TSPEAR: variants seen among roughly 807,000 people sequenced by gnomAD.
TSPEAR encodes thrombospondin type laminin G domain and EAR repeats, also known as thrombospondin-type laminin G domain and EAR repeat-containing protein.
A neutral mutation model predicts 71.6 loss-of-function variants in TSPEAR; 69 were observed. The ratio of observed to expected loss-of-function variants is 0.96; its 90% CI spans 0.79 to 1.18. The LOEUF (loss-of-function observed/expected upper bound fraction) is 1.18, where lower values mean the gene tolerates loss of function less well. TSPEAR is among the 50% of genes most tolerant of loss of function. The pLI, the probability that TSPEAR is intolerant of heterozygous loss-of-function variation, is 0.00. For synonymous variants in TSPEAR, 402 were observed against 387.2 expected (o/e 1.04, Z -0.45); for missense variants, 971 against 894.9 (o/e 1.09, Z -1.09).
In TSPEAR at chr21:44,504,891, C is replaced by T. The variant is rs2052159028; in HGVS notation, c.1755-10G>A. ...CTCCCAGTCCAGAGCACTGCAGGAA[C>T]AAGTGGGTGGATATTAGGACACAAC... On this transcript the variant is annotated splice_polypyrimidine_tract_variant and intron_variant, in intron 10 of 11. Transcript: ENST00000323084. 6.2e-7 allele frequency: 1 copy of T among 1,603,646 alleles called. No homozygotes were observed. Among genetic ancestry groups the T allele is most frequent in the South Asian group, 1.1e-5 (1 of 90,876 alleles).
intron 1 of TSPEAR, among the ~76,000 whole-genome samples, chr21:44,583,088 C>T (rs1211061): frequency 0.85 from 129,937 of 152,090 alleles, 57,496 homozygotes; most frequent in Non-Finnish European, 0.97. Context: ...GTGATCCATC[C>T]GTTTCAGTCT....
Position 44,529,907 on chromosome 21 carries a change from T to C in TSPEAR, c.681A>G (p.Pro227=). The C allele has an allele frequency of 1.2e-6, 2 of 1,611,976 alleles. No homozygotes were observed. The highest frequency in any genetic ancestry group is 1.7e-6 in the Non-Finnish European group (2 of 1,179,608). Residue 227 remains proline, a synonymous_variant, in exon 5 of 12, where the codon CCA becomes CCG. Coordinates refer to ENST00000323084, the MANE Select transcript of TSPEAR (RefSeq NM_144991.3). ...LVLLPGSDAT[P]RLCPSRNAPL... The stretch of plus-strand genomic sequence containing the variant: ...GGGCGTTCCTGCTGGGACACAGCCT[T>C]GGGGTGGCGTCTGAGCCCGGCAGCA...
intron 1 of TSPEAR, among the ~76,000 whole-genome samples, chr21:44,569,224 A>T (rs935199035): frequency 6.6e-6 from 1 of 152,206 alleles, no homozygotes; most frequent in African/African-American, 2.4e-5. Flanking sequence ...TACCCTGGAA[A>T]AGCATCCTGG....
intron 2 of TSPEAR, chr21:44,558,447 C>T (rs1046746993): frequency 9.9e-6 from 16 of 1,614,056 alleles, no homozygotes; most frequent in Non-Finnish European, 1.4e-5. Context: ...GGAGGATGTG[C>T]AGCAAGCTGG....
intron 1 of TSPEAR, among the ~76,000 whole-genome samples, chr21:44,613,768 TG>T (rs1336171856): frequency 6.6e-5 from 10 of 151,664 alleles, no homozygotes; most frequent in African/African-American, 2.4e-4. Flanking sequence ...AGGGATGGGA[TG>T]GGGGGATGCT....
intron 2 of TSPEAR, among the ~76,000 whole-genome samples, chr21:44,564,730 A>G (rs1555921532): frequency 6.6e-6 from 1 of 152,212 alleles, no homozygotes; most frequent in African/African-American, 2.4e-5. Context: ...TAGAATAACT[A>G]GGTAGAAGAT....
At chr21:44,586,462 A>G (rs587736583) in intron 1 of TSPEAR, among the ~76,000 whole-genome samples, 17 of 152,324 alleles carry the variant, frequency 1.1e-4, no homozygotes, top group African/African-American at 3.8e-4. Flanking sequence ...CTTTTAAAAA[A>G]AATTTACCAA....
intron 1 of TSPEAR, among the ~76,000 whole-genome samples, chr21:44,640,186 C>T (rs1983945473): frequency 6.6e-6 from 1 of 152,190 alleles, no homozygotes; most frequent in South Asian, 2.1e-4. Context: ...TCCACACAAG[C>T]AAAACACAGC....
intron 1 of TSPEAR, among the ~76,000 whole-genome samples, chr21:44,683,581 G>T (rs1311498925): frequency 6.6e-6 from 1 of 152,078 alleles, no homozygotes; most frequent in Non-Finnish European, 1.5e-5. Flanking sequence ...AGGCAGGAGG[G>T]TCTATTGAGC....
intron 1 of TSPEAR, among the ~76,000 whole-genome samples, chr21:44,683,420 C>G (rs1296473792): frequency 1.3e-5 from 2 of 152,198 alleles, no homozygotes; most frequent in Non-Finnish European, 2.9e-5. Flanking sequence ...AATCCCAGCA[C>G]TTTGGGAGAC....
intron 1 of TSPEAR, among the ~76,000 whole-genome samples, chr21:44,643,077 C>A (rs143377166): frequency 2.6e-5 from 4 of 152,200 alleles, no homozygotes; most frequent in Admixed American, 2.0e-4. Flanking sequence ...TACGATTCAG[C>A]CATAGAAAGG....
In TSPEAR at chr21:44,658,067, T is replaced by A. The variant is rs374451333; in HGVS notation, c.82+53366A>T. ...GGCATCCTGCTATGTGCCCGTGAGC[T>A]GCCAGTCCTCCGTGTGCATGCCCGT... On this transcript the variant is annotated intron_variant, in intron 1 of 11. Coordinates refer to ENST00000323084, the MANE Select transcript of TSPEAR (RefSeq NM_144991.3). 1.9e-6 allele frequency: 3 copies of A among 1,613,880 alleles called. No individual in the cohort carries two copies. In the African/African-American group the frequency reaches 4.0e-5, roughly 22 times the overall value.
intron 1 of TSPEAR, among the ~76,000 whole-genome samples, chr21:44,649,976 C>T (rs897173234): frequency 6.6e-6 from 1 of 152,164 alleles, no homozygotes; most frequent in South Asian, 2.1e-4. Flanking sequence ...AATCTCAGCA[C>T]CGTGGGAGGC....
At chr21:44,580,271 C>T (rs782188685) in intron 1 of TSPEAR, 4 of 1,613,620 alleles carry the variant, frequency 2.5e-6, no homozygotes, top group East Asian at 4.5e-5. Flanking sequence ...ATCCTTAGAG[C>T]AGGTGGGCAG....
intron 1 of TSPEAR, among the ~76,000 whole-genome samples, chr21:44,645,363 T>G (rs1984259451): frequency 1.3e-5 from 2 of 151,388 alleles, no homozygotes; most frequent in South Asian, 4.2e-4. Flanking sequence ...CTTAGCTTTT[T>G]TTTTTTTTTT....
rs150319900 is a variant in TSPEAR at position 44,538,669 on chromosome 21, A to G, written c.304-4746T>C. 2.3e-3 allele frequency among the ~76,000 whole-genome samples: 348 copies of G among 152,236 alleles called. 4 individuals are homozygous for G. The highest frequency in any genetic ancestry group is 8.2e-3 in the African/African-American group (342 of 41,538). ...CCGGACCCCAGGGCAGCTTCCCGGA[A>G]GGTGACCCTGCAGTGTGGGCTCTCC... On this transcript the variant is annotated intron_variant, in intron 2 of 11. Transcript: ENST00000323084.
intron 2 of TSPEAR, among the ~76,000 whole-genome samples, chr21:44,549,426 A>G (rs1376810541): frequency 6.6e-6 from 1 of 152,210 alleles, no homozygotes; most frequent in East Asian, 1.9e-4. Flanking sequence ...GGCGTTGCAG[A>G]CACCAAGTGC....
Position 44,638,762 on chromosome 21 carries a change from C to T in TSPEAR, c.83-70757G>A, listed in dbSNP as rs905265169. Among the ~76,000 whole-genome samples, 985 of 149,518 alleles carry T rather than the reference C, an allele frequency of 6.6e-3. 6 individuals are homozygous for T. The highest frequency in any genetic ancestry group is 0.024 in the African/African-American group (948 of 39,026). On this transcript the variant is annotated intron_variant, in intron 1 of 11. Coordinates refer to ENST00000323084, the MANE Select transcript of TSPEAR (RefSeq NM_144991.3). ...CCTCTGGAACCAAGGCCAGGAGTTT[C>T]GGGACAAAGTGGACCCTGGCAGCAC...
rs184461226 is a variant in TSPEAR at position 44,545,186 on chromosome 21, C to T, written c.304-11263G>A. On this transcript the variant is annotated intron_variant, in intron 2 of 11. Transcript: ENST00000323084. ...TACAAAAATTAGCCGGGCATGGTGGCAGCCGCCTGTAGTCCCAGCTACTTG... is the reference window on the plus strand; with the variant it reads ...TACAAAAATTAGCCGGGCATGGTGGTAGCCGCCTGTAGTCCCAGCTACTTG... Among the ~76,000 whole-genome samples, 836 of 152,040 alleles carry T rather than the reference C, an allele frequency of 5.5e-3. 3 individuals are homozygous for T. Among genetic ancestry groups the T allele is most frequent in the African/African-American group, 0.02 (816 of 41,444 alleles).
Sources: gnomAD v4.1 joint callset for allele counts (sites outside exome capture counted in the v4.1 genomes callset) on GRCh38, gnomAD v4.1.1 for gene constraint, MANE v1.5 for transcripts, NCBI Gene and HGNC (gene_info 2026-07-23, HGNC 2026-07-21) for gene names.